Variants in SLC25A21 observed in about 807,000 individuals in gnomAD.
SLC25A21 encodes solute carrier family 25 member 21, also known as mitochondrial 2-oxodicarboxylate carrier.
A neutral mutation model predicts 43.8 loss-of-function variants in SLC25A21; 47 were observed. That is an observed-to-expected ratio of 1.07 (90% CI 0.85 to 1.37). The LOEUF (loss-of-function observed/expected upper bound fraction) is 1.37. SLC25A21 is among the 40% of genes most tolerant of loss of function. SLC25A21 has a pLI of 0.00. For missense variants in SLC25A21, 352 were observed against 350.2 expected (o/e 1.00, Z -0.04); for synonymous variants, 131 against 121.3 (o/e 1.08, Z -0.52).
chr14:36,740,955 A>G (rs1566560759), intron 3 of SLC25A21, among the ~76,000 whole-genome samples: 1 of 152,214 alleles, frequency 6.6e-6, no homozygotes, highest in Non-Finnish European at 1.5e-5. Context: ...ACGACTAAAA[A>G]AAGTTCCTTG....
chr14:36,704,382 G>C lies in SLC25A21; in HGVS notation c.603+6936C>G, dbSNP rs147107795. Among the ~76,000 whole-genome samples the C allele has an allele frequency of 3.7e-3, 567 of 152,246 alleles. 3 individuals carry two copies. The highest frequency in any genetic ancestry group is 0.013 in the African/African-American group (549 of 41,556). On this transcript the variant is annotated intron_variant, in intron 7 of 9. Coordinates refer to ENST00000331299, the MANE Select transcript of SLC25A21 (RefSeq NM_030631.4). ...TGTGACAAAATACAAGGTAAGACTG[G>C]GTGCGGTGGCTAACGCCTGTAATCC...
intron 2 of SLC25A21, among the ~76,000 whole-genome samples, chr14:36,844,341 T>C (rs1187078397): frequency 1.3e-5 from 2 of 152,204 alleles, no homozygotes; most frequent in African/African-American, 4.8e-5. Context: ...CCTGGTAACG[T>C]GCTGGCACAG....
chr14:36,925,428 C>T (rs1367181422), intron 1 of SLC25A21, among the ~76,000 whole-genome samples: 1 of 152,096 alleles, frequency 6.6e-6, no homozygotes, highest in Non-Finnish European at 1.5e-5. Flanking sequence ...CCATAAATGG[C>T]CATGTTAATC....
At chr14:37,149,463 G>T (rs775485938) in intron 1 of SLC25A21, among the ~76,000 whole-genome samples, 1 of 151,808 alleles carries the variant, frequency 6.6e-6, no homozygotes, top group South Asian at 2.1e-4. Context: ...AAAAAAATCC[G>T]CTAGGGCCGG....
chr14:36,834,688 T>A (rs1381403229), intron 2 of SLC25A21, among the ~76,000 whole-genome samples: 4 of 152,168 alleles, frequency 2.6e-5, no homozygotes, highest in African/African-American at 9.7e-5. Flanking sequence ...GGACACAGCC[T>A]CACTTCCTTT....
rs569275038 is a variant in SLC25A21, at chr14:36,957,834, T to C, written c.71-82830A>G. The stretch of plus-strand genomic sequence containing the variant: ...GCTTCTGGCCAGGTCGTGAAAATAG[T>C]TTTATTTATACGCAACTTGTTCTTA... On this transcript the variant is annotated intron_variant, in intron 1 of 9. Coordinates refer to ENST00000331299, the MANE Select transcript of SLC25A21 (RefSeq NM_030631.4). 5.9e-5 allele frequency among the ~76,000 whole-genome samples: 9 copies of C among 152,346 alleles called. No homozygotes were observed. The South Asian group carries it at 1.9e-3, about 32-fold the overall frequency.
chr14:37,126,870 T>C (rs1178949260), intron 1 of SLC25A21, among the ~76,000 whole-genome samples: 1 of 152,200 alleles, frequency 6.6e-6, no homozygotes, highest in African/African-American at 2.4e-5. Flanking sequence ...ATAGAGTTCT[T>C]GGTAAGAGGT....
intron 7 of SLC25A21, among the ~76,000 whole-genome samples, chr14:36,708,252 T>C (rs1390801378): frequency 6.6e-6 from 1 of 152,148 alleles, no homozygotes; most frequent in Non-Finnish European, 1.5e-5. Flanking sequence ...ATTATAAAAC[T>C]ATGATGAACA....
chr14:36,777,189 C>T (rs1249705412), intron 3 of SLC25A21, among the ~76,000 whole-genome samples: 1 of 152,020 alleles, frequency 6.6e-6, no homozygotes, highest in Non-Finnish European at 1.5e-5. Context: ...ACTTGGGAGG[C>T]GGATGTTGCA....
At chr14:36,807,882 C>G (rs1351275510) in intron 3 of SLC25A21, among the ~76,000 whole-genome samples, 2 of 152,160 alleles carry the variant, frequency 1.3e-5, no homozygotes, top group Non-Finnish European at 2.9e-5. Flanking sequence ...CTGAAAGGCA[C>G]TTAAATGAGT....
chr14:36,753,244 T>C (rs558308172), intron 3 of SLC25A21, among the ~76,000 whole-genome samples: 4 of 151,996 alleles, frequency 2.6e-5, no homozygotes, highest in Non-Finnish European at 4.4e-5. Context: ...TATTATGACA[T>C]AATAAAAAAT....
intron 1 of SLC25A21, among the ~76,000 whole-genome samples, chr14:37,004,040 T>TC (rs1191414292): frequency 6.6e-6 from 1 of 151,918 alleles, no homozygotes; most frequent in Admixed American, 6.6e-5. Flanking sequence ...TAATAATCTT[T>TC]CCCCCCACCA....
intron 1 of SLC25A21, among the ~76,000 whole-genome samples, chr14:37,016,891 C>T (rs1263959114): frequency 6.6e-6 from 1 of 152,080 alleles, no homozygotes; most frequent in African/African-American, 2.4e-5. Context: ...AACTTTTCTT[C>T]TGCAGCTTCC....
intron 2 of SLC25A21, among the ~76,000 whole-genome samples, chr14:36,857,140 C>T (rs1383049298): frequency 6.6e-6 from 1 of 152,154 alleles, no homozygotes; most frequent in Non-Finnish European, 1.5e-5. Context: ...AAGCCTAAGA[C>T]ATGCTTTATC....
chr14:37,126,519 C>T (rs2138898984), intron 1 of SLC25A21, among the ~76,000 whole-genome samples: 1 of 151,166 alleles, frequency 6.6e-6, no homozygotes, highest in African/African-American at 2.4e-5. Flanking sequence ...TTTTACATTA[C>T]AAGTTTTTGA....
At chr14:37,055,574 G>C (rs905242500) in intron 1 of SLC25A21, among the ~76,000 whole-genome samples, 1 of 152,086 alleles carries the variant, frequency 6.6e-6, no homozygotes, top group African/African-American at 2.4e-5. Flanking sequence ...TTTCTGGTGG[G>C]CCTGAGCTGC....
At chr14:36,853,702 C>G (rs909313162) in intron 2 of SLC25A21, among the ~76,000 whole-genome samples, 1 of 152,202 alleles carries the variant, frequency 6.6e-6, no homozygotes, top group Non-Finnish European at 1.5e-5. Flanking sequence ...TCCAACTTGG[C>G]TAGTCTTGGT....
In SLC25A21 at chr14:36,859,280, AC is replaced by A. The variant is rs567725414; in HGVS notation, c.119+15675del. Among the ~76,000 whole-genome samples the A allele has an allele frequency of 1.8e-4, 28 of 152,350 alleles. No homozygotes were observed. In the East Asian group the frequency reaches 5.4e-3, roughly 29 times the overall value. On this transcript the variant is annotated intron_variant, in intron 2 of 9. Transcript: ENST00000331299. ...ATCTACTAAGCTAACAAAAAGAACTACATTCAGGAATGCAACAGATTCTGCC... is the reference window on the plus strand; with the variant it reads ...ATCTACTAAGCTAACAAAAAGAACTAATTCAGGAATGCAACAGATTCTGCC...
chr14:37,064,417 TC>T (rs751815843), intron 1 of SLC25A21, among the ~76,000 whole-genome samples: 258 of 151,046 alleles, frequency 1.7e-3, no homozygotes, highest in Middle Eastern at 6.9e-3. Flanking sequence ...TTCTCTTGTC[TC>T]TCTCTCTCTC....
Sources: allele counts gnomAD v4.1 joint callset (sites outside exome capture counted in the v4.1 genomes callset), GRCh38; gene constraint gnomAD v4.1.1; transcripts MANE v1.5; gene names NCBI Gene and HGNC (gene_info 2026-07-23, HGNC 2026-07-21).